Variants in LMO7 observed in about 807,000 individuals in gnomAD.
LMO7 encodes the protein LIM domain 7, also known as LIM domain only protein 7.
A neutral mutation model predicts 206.5 loss-of-function variants in LMO7; 120 were observed. That is an observed-to-expected ratio of 0.58 (90% CI 0.50 to 0.68). The LOEUF is 0.68. LMO7 is among the 30% of genes least tolerant of loss of function. The pLI is 0.00. For missense variants in LMO7, 1,959 were observed against 1,957.9 expected (o/e 1.00, Z -0.01); for synonymous variants, 706 against 681.5 (o/e 1.04, Z -0.56).
chr13:75,720,956 T>G (rs1284617970), intron 2 of LMO7, among the ~76,000 whole-genome samples: 1 of 152,210 alleles, frequency 6.6e-6, no homozygotes. Context: ...TACTGGTTAT[T>G]TTACTCATGG....
intron 30 of LMO7, chr13:75,857,676 T>C: frequency 2.9e-6 from 1 of 339,360 alleles, no homozygotes; most frequent in African/African-American, 2.1e-5. Flanking sequence ...CCAAAACAAA[T>C]AATAGAGAGT....
intron 11 of LMO7, among the ~76,000 whole-genome samples, chr13:75,812,111 G>T (rs917229472): frequency 6.6e-6 from 1 of 152,176 alleles, no homozygotes; most frequent in Non-Finnish European, 1.5e-5. Context: ...GTGGGTGGGG[G>T]TGTGTGTGCT....
At chr13:75,683,147 C>T (rs1431111668) in intron 1 of LMO7, among the ~76,000 whole-genome samples, 1 of 151,610 alleles carries the variant, frequency 6.6e-6, no homozygotes, top group Non-Finnish European at 1.5e-5. Context: ...CAACCTCCAC[C>T]TCCTGGGTTT....
chr13:75,795,765 C>T (rs886782824), intron 5 of LMO7, among the ~76,000 whole-genome samples: 1 of 151,976 alleles, frequency 6.6e-6, no homozygotes, highest in African/African-American at 2.4e-5. Context: ...TAGAGATGAA[C>T]AATGAGAACG....
At chr13:75,745,065 A>G (rs1402531814) in intron 3 of LMO7, among the ~76,000 whole-genome samples, 1 of 152,200 alleles carries the variant, frequency 6.6e-6, no homozygotes, top group African/African-American at 2.4e-5. Context: ...TGTGTATGAG[A>G]AGCATTTTAG....
At chr13:75,856,325 C>T (rs2296093) in intron 29 of LMO7, among the ~76,000 whole-genome samples, 181 bp from the exon 30 acceptor site, 19,604 of 152,154 alleles carry the variant, frequency 0.13, 1,660 homozygotes, top group Admixed American at 0.22. Context: ...AATTCTTTAA[C>T]ATCTTATCTG....
At chr13:75,712,499 G>C (rs951910331) in intron 1 of LMO7, among the ~76,000 whole-genome samples, 19 of 152,144 alleles carry the variant, frequency 1.2e-4, no homozygotes, top group Non-Finnish European at 4.4e-5. Flanking sequence ...TTTTTCTAGA[G>C]GTTTCACCAA....
exon 1 of LMO7, chr13:75,620,614 AG>A (rs1476612684): frequency 6.6e-6 from 1 of 152,206 alleles, no homozygotes; most frequent in African/African-American, 2.4e-5. Context: ...TGTTGGCCCC[AG>A]GGTCACACTT....
At chr13:75,716,712 A>T (rs1275072509) in intron 2 of LMO7, among the ~76,000 whole-genome samples, 9 of 152,068 alleles carry the variant, frequency 5.9e-5, no homozygotes, top group Admixed American at 2.0e-4. Context: ...ATATATATTT[A>T]AAAAATATAA....
intron 15 of LMO7, among the ~76,000 whole-genome samples, chr13:75,824,183 C>T (rs1448478808): frequency 6.6e-6 from 1 of 152,058 alleles, no homozygotes; most frequent in East Asian, 1.9e-4. Flanking sequence ...GTGCTATAGT[C>T]CCAGGTTTCA....
intron 1 of LMO7, among the ~76,000 whole-genome samples, chr13:75,642,934 AG>A (rs1469325941): frequency 2.6e-5 from 4 of 152,220 alleles, no homozygotes; most frequent in Non-Finnish European, 4.4e-5. Context: ...TGAGAAAAGG[AG>A]GGTTCTATTT....
intron 18 of LMO7, 23 bp from the exon 19 acceptor site, chr13:75,836,374 A>G: frequency 7.3e-7 from 1 of 1,369,248 alleles, no homozygotes; most frequent in Non-Finnish European, 1.0e-6. Context: ...GAGAATATTA[A>G]CTAGCATTTT....
At chr13:75,827,762 T>C (rs973737083) in intron 15 of LMO7, among the ~76,000 whole-genome samples, 1 of 152,194 alleles carries the variant, frequency 6.6e-6, no homozygotes. Flanking sequence ...TTTTAAACCC[T>C]CTACAAATCC....
intron 27 of LMO7, among the ~76,000 whole-genome samples, chr13:75,852,546 A>T (rs141444294): frequency 7.4e-4 from 113 of 152,362 alleles, no homozygotes; most frequent in African/African-American, 2.6e-3. Flanking sequence ...ATGAAACATG[A>T]TGCCACTGAT....
chr13:75,779,864 CTAAG>C (rs2051055479), intron 4 of LMO7, among the ~76,000 whole-genome samples: 2 of 152,052 alleles, frequency 1.3e-5, no homozygotes, highest in Non-Finnish European at 2.9e-5. Context: ...TCTATTTTCC[CTAAG>C]TGTCAGCCAG....
chr13:75,798,240 C>T (rs2054283348), intron 6 of LMO7, among the ~76,000 whole-genome samples: 1 of 152,168 alleles, frequency 6.6e-6, no homozygotes, highest in African/African-American at 2.4e-5. Flanking sequence ...TGTGGTGATA[C>T]ATGCCTGTAA....
chr13:75,795,199 AAATC>A (rs1373536281), intron 4 of LMO7, among the ~76,000 whole-genome samples, 198 bp from the exon 5 acceptor site: 1 of 152,252 alleles, frequency 6.6e-6, no homozygotes, highest in African/African-American at 2.4e-5. Context: ...TGAATACAGA[AAATC>A]AATGCATTAT....
intron 4 of LMO7, among the ~76,000 whole-genome samples, chr13:75,783,530 C>A (rs984751490): frequency 6.6e-6 from 1 of 152,134 alleles, no homozygotes; most frequent in Non-Finnish European, 1.5e-5. Context: ...ATCATGTTGG[C>A]CAGGCTGGTC....
At chr13:75,799,035 T>G (rs1179145403) in intron 6 of LMO7, among the ~76,000 whole-genome samples, 1 of 152,252 alleles carries the variant, frequency 6.6e-6, no homozygotes, top group Non-Finnish European at 1.5e-5. Context: ...TAGGCCTGGC[T>G]TCCCCATCTG....
Sources: gnomAD v4.1 joint callset for allele counts (sites outside exome capture counted in the v4.1 genomes callset) on GRCh38, gnomAD v4.1.1 for gene constraint, MANE v1.5 for transcripts, NCBI Gene and HGNC (gene_info 2026-07-23, HGNC 2026-07-21) for gene names.